Variants in PDLIM1 observed in about 807,000 individuals in gnomAD.
The protein encoded by PDLIM1 is PDZ and LIM domain 1.
A neutral mutation model predicts 35.2 loss-of-function variants in PDLIM1; 25 were observed. The observed-to-expected ratio is 0.71, with a 90% CI of 0.52 to 0.99. PDLIM1 has a LOEUF of 0.99. Among genes scored for constraint, PDLIM1 ranks in the 50% least tolerant of loss-of-function variants. PDLIM1 has a pLI of 0.00. For synonymous variants in PDLIM1, 152 were observed against 154.0 expected, an observed-to-expected ratio of 0.99 and a Z score of 0.10; for missense variants, 363 against 415.3, an observed-to-expected ratio of 0.87 and a Z score of 1.09.
chr10:95,270,358 A>G (rs1380223613), intron 2 of PDLIM1, among the ~76,000 whole-genome samples: 1 of 152,084 alleles, frequency 6.6e-6, no homozygotes, highest in East Asian at 1.9e-4. Flanking sequence ...AGCAAAAAAC[A>G]TACTTCACAG....
At chr10:95,242,056 G>T (rs1288996860) in intron 5 of PDLIM1, among the ~76,000 whole-genome samples, 1 of 152,166 alleles carries the variant, frequency 6.6e-6, no homozygotes, top group African/African-American at 2.4e-5. Context: ...TTCATCGCTG[G>T]GAACCGATGC....
At chr10:95,253,748 A>AATAT (rs2035287324) in intron 4 of PDLIM1, among the ~76,000 whole-genome samples, 1 of 152,144 alleles carries the variant, frequency 6.6e-6, no homozygotes, top group Admixed American at 6.5e-5. Flanking sequence ...TTGCCCTCTC[A>AATAT]ATATATTCTA....
intron 4 of PDLIM1, among the ~76,000 whole-genome samples, chr10:95,263,143 T>G (rs548343073): frequency 8.7e-6 from 1 of 115,304 alleles, no homozygotes; most frequent in African/African-American, 3.0e-5. Context: ...AAAGCTTGTC[T>G]CAAAAAAAAA....
At chr10:95,260,477 G>A (rs1368133215) in intron 4 of PDLIM1, among the ~76,000 whole-genome samples, 1 of 152,122 alleles carries the variant, frequency 6.6e-6, no homozygotes, top group Admixed American at 6.5e-5. Flanking sequence ...TACACAGTAG[G>A]CACTCAATAA....
rs1352504479 is a variant in PDLIM1, at chr10:95,290,883, C to G, written c.33G>C (p.Pro11=). The G allele has an allele frequency of 3.8e-6, 6 of 1,563,586 alleles. No homozygotes were observed. In the African/African-American group the frequency reaches 8.5e-5, roughly 22 times the overall value. The change falls in exon 1 of 7, where the codon CCG becomes CCC. Residue 11 remains proline (P), a synonymous_variant. Transcript: ENST00000329399. The surrounding 1 kb of genome is among the most constrained non-coding windows in gnomAD (Gnocchi z 4.7). ...CCACGAGGCGGAAGCCCCACGGCCC[C>G]GGGCCCTGGAGGTCTATCTGCTGGG... The part of the protein sequence containing the change: MTTQQIDLQG[P]GPWGFRLVGG...
At chr10:95,262,354 T>C (rs937483528) in intron 4 of PDLIM1, among the ~76,000 whole-genome samples, 23 of 152,086 alleles carry the variant, frequency 1.5e-4, no homozygotes, top group African/African-American at 5.1e-4. Flanking sequence ...AATACAAAAA[T>C]TGATGATTCC....
chr10:95,272,696 A>T lies in PDLIM1; in HGVS notation c.97-912T>A, dbSNP rs528890166. The stretch of plus-strand genomic sequence containing the variant: ...AATAATAATAATAAAATAAAAATTT[A>T]AAAAAAAATTGTTAAAAGCAATCAA... On this transcript the variant is annotated intron_variant, in intron 1 of 6. Transcript: ENST00000329399. Among the ~76,000 whole-genome samples, 562 of 127,978 alleles carry T rather than the reference A, an allele frequency of 4.4e-3. 5 individuals carry two copies. The highest frequency in any genetic ancestry group is 5.7e-3 in the African/African-American group (225 of 39,658). The allele number at this position is 127,978 out of a possible 152,430, so 84.0% of individuals were successfully genotyped here.
chr10:95,281,239 C>A (rs1489715655), intron 1 of PDLIM1, among the ~76,000 whole-genome samples: 1 of 151,888 alleles, frequency 6.6e-6, no homozygotes, highest in Non-Finnish European at 1.5e-5. Flanking sequence ...AAAGGAATAT[C>A]CATTAGAATA....
intron 5 of PDLIM1, among the ~76,000 whole-genome samples, chr10:95,241,460 A>G (rs566375403): frequency 1.3e-5 from 2 of 152,050 alleles, no homozygotes; most frequent in Non-Finnish European, 2.9e-5. Flanking sequence ...TACTGGGGGC[A>G]GTTTTGTCTC....
Position 95,287,693 on chromosome 10 carries a change from A to C in PDLIM1, c.96+3127T>G, listed in dbSNP as rs45585133. 2.4e-3 allele frequency among the ~76,000 whole-genome samples: 361 copies of C among 152,244 alleles called. 4 individuals are homozygous for C. Among genetic ancestry groups the C allele is most frequent in the African/African-American group, 8.3e-3 (343 of 41,540 alleles). ...TTTTAATTAAAAAAATACCTCAAGG[A>C]AATGGGCAAGTGTTGATTTGAAGCA... On this transcript the variant is annotated intron_variant, in intron 1 of 6. Coordinates refer to ENST00000329399, the MANE Select transcript of PDLIM1 (RefSeq NM_020992.4).
At chr10:95,240,665 AAAAT>A (rs1333644813) in intron 5 of PDLIM1, among the ~76,000 whole-genome samples, 1 of 152,232 alleles carries the variant, frequency 6.6e-6, no homozygotes, top group Non-Finnish European at 1.5e-5. Context: ...TGGAAATTTA[AAAAT>A]AAATAAAGTT....
intron 4 of PDLIM1, among the ~76,000 whole-genome samples, chr10:95,251,005 TC>T (rs2035263151): frequency 6.6e-6 from 1 of 152,056 alleles, no homozygotes; most frequent in East Asian, 1.9e-4. Context: ...AAGCAGAAAC[TC>T]CCCTTGAGCC....
rs762912831 is a variant in PDLIM1, at chr10:95,238,095, G to C, written c.820C>G (p.Leu274Val). Residue 274 changes from leucine to valine, a missense_variant, in exon 7 of 7, where the codon CTG becomes GTG. Coordinates refer to ENST00000329399, the MANE Select transcript of PDLIM1 (RefSeq NM_020992.4). ...GTGIVGVFVKLRDRHRHPECY... is the reference protein window; with the variant it reads ...GTGIVGVFVKVRDRHRHPECY... The stretch of plus-strand genomic sequence containing the variant: ...TCAGGGTGGCGGTGACGGTCCCGCA[G>C]CTTCACAAACACACCACTACAGAAG... The C allele has an allele frequency of 3.1e-6, 5 of 1,613,866 alleles. No individual in the cohort carries two copies. The highest frequency in any genetic ancestry group is 4.2e-6 in the Non-Finnish European group (5 of 1,179,866).
intron 4 of PDLIM1, among the ~76,000 whole-genome samples, chr10:95,257,062 A>T (rs567166522): frequency 2.1e-5 from 3 of 145,742 alleles, no homozygotes; most frequent in African/African-American, 7.6e-5. Flanking sequence ...TTAAAGACCA[A>T]CATAAGACCA....
chr10:95,279,455 G>GA (rs2035541532), intron 1 of PDLIM1, among the ~76,000 whole-genome samples: 1 of 152,118 alleles, frequency 6.6e-6, no homozygotes, highest in Admixed American at 6.5e-5. Context: ...ACAGTATGGG[G>GA]AAAAAATAAT....
At chr10:95,239,568 G>C (rs2035158508) in intron 5 of PDLIM1, among the ~76,000 whole-genome samples, 1 of 152,192 alleles carries the variant, frequency 6.6e-6, no homozygotes, top group Non-Finnish European at 1.5e-5. Context: ...GGCCGAGGTG[G>C]GTGGATCACC....
At chr10:95,239,517 C>T (rs909411604) in intron 5 of PDLIM1, among the ~76,000 whole-genome samples, 4 of 152,204 alleles carry the variant, frequency 2.6e-5, no homozygotes, top group Middle Eastern at 3.4e-3. Context: ...AAAAATAAGC[C>T]GGGCACAGTA....
chr10:95,252,610 G>T (rs1218710619), intron 4 of PDLIM1, among the ~76,000 whole-genome samples: 1 of 152,128 alleles, frequency 6.6e-6, no homozygotes, highest in Non-Finnish European at 1.5e-5. Context: ...ATCTAACAAA[G>T]ATGGTAACAC....
At chr10:95,275,399 C>T (rs1470995702) in intron 1 of PDLIM1, among the ~76,000 whole-genome samples, 1 of 152,180 alleles carries the variant, frequency 6.6e-6, no homozygotes, top group African/African-American at 2.4e-5. Flanking sequence ...TCTATCTGGG[C>T]AATGGGCAAG....
Sources: gnomAD v4.1 joint callset for allele counts (sites outside exome capture counted in the v4.1 genomes callset) on GRCh38, gnomAD v4.1.1 for gene constraint, Gnocchi (gnomAD v3.1) non-coding constraint, MANE v1.5 for transcripts, NCBI Gene and HGNC (gene_info 2026-07-23, HGNC 2026-07-21) for gene names.